Variants in SNX13 observed in about 807,000 individuals in gnomAD.
SNX13 encodes sorting nexin 13.
Under a neutral mutation model 133.6 loss-of-function variants are expected in SNX13, and 45 were observed. The observed-to-expected ratio is 0.34, with a 90% confidence interval of 0.27 to 0.43. The LOEUF (loss-of-function observed/expected upper bound fraction) is 0.43, where lower values mean the gene tolerates loss of function less well. Among genes scored for constraint, SNX13 ranks in the 20% least tolerant of loss-of-function variants. The pLI is 1.00. For missense variants in SNX13, 1,032 were observed against 1,145.1 expected (o/e 0.90, Z 1.43); for synonymous variants, 414 against 373.9 (o/e 1.11, Z -1.24).
At chr7:17,871,269 T>C (rs1393774814) in intron 8 of SNX13, among the ~76,000 whole-genome samples, 2 of 152,156 alleles carry the variant, frequency 1.3e-5, no homozygotes, top group Non-Finnish European at 2.9e-5. Flanking sequence ...CCTCTCAAAG[T>C]GCTGGGATCA....
At chr7:17,860,517 T>C (rs904488190) in intron 9 of SNX13, among the ~76,000 whole-genome samples, 1 of 152,210 alleles carries the variant, frequency 6.6e-6, no homozygotes, top group African/African-American at 2.4e-5. Context: ...TATTTTTGTC[T>C]GAGTTTTTGG....
At chr7:17,799,792 G>A (rs371657049) in intron 22 of SNX13, among the ~76,000 whole-genome samples, 7 of 151,770 alleles carry the variant, frequency 4.6e-5, no homozygotes, top group African/African-American at 1.7e-4. Context: ...AAGGTAAAAA[G>A]GAAGACGATC....
intron 17 of SNX13, among the ~76,000 whole-genome samples, chr7:17,822,863 C>G (rs1204165644): frequency 6.6e-6 from 1 of 152,180 alleles, no homozygotes; most frequent in Non-Finnish European, 1.5e-5. Context: ...CACTTGAGGA[C>G]AGCTAAATCC....
At chr7:17,822,665 G>A (rs1373134830) in intron 17 of SNX13, among the ~76,000 whole-genome samples, 3 of 152,056 alleles carry the variant, frequency 2.0e-5, no homozygotes, top group Non-Finnish European at 4.4e-5. Flanking sequence ...TCTTTCTGTT[G>A]CTATTAATTG....
At chr7:17,799,384 A>T (rs1040934433) in intron 22 of SNX13, among the ~76,000 whole-genome samples, 1 of 151,796 alleles carries the variant, frequency 6.6e-6, no homozygotes, top group Non-Finnish European at 1.5e-5. Flanking sequence ...TTAAGGCTAT[A>T]GTTTAACATT....
At chr7:17,866,586 T>C (rs964386334) in intron 9 of SNX13, among the ~76,000 whole-genome samples, 1 of 151,628 alleles carries the variant, frequency 6.6e-6, no homozygotes, top group African/African-American at 2.4e-5. Flanking sequence ...AAATATTGAC[T>C]GAGGGACATT....
At chr7:17,939,563 A>T (rs1201888414) in intron 1 of SNX13, among the ~76,000 whole-genome samples, 1 of 152,236 alleles carries the variant, frequency 6.6e-6, no homozygotes, top group Non-Finnish European at 1.5e-5. Context: ...GCACTAGAAA[A>T]GGGAAATTGA....
At chr7:17,822,828 G>A (rs1787450210) in intron 17 of SNX13, among the ~76,000 whole-genome samples, 1 of 152,120 alleles carries the variant, frequency 6.6e-6, no homozygotes. Flanking sequence ...CTAACTCTCT[G>A]GCTTGAGATC....
chr7:17,803,582 TA>T lies in SNX13; in HGVS notation c.2065-3del. ...AAGTGGATTTACAAAAGTGTCCATCTAAAGGGAAAAAAGATATTATACCATG... is the reference window on the plus strand; with the variant it reads ...AAGTGGATTTACAAAAGTGTCCATCTAAGGGAAAAAAGATATTATACCATG... On this transcript the variant is annotated splice_polypyrimidine_tract_variant and splice_region_variant and intron_variant, in intron 20 of 25. Transcript: ENST00000428135. 6.3e-7 allele frequency: 1 copy of T among 1,599,296 alleles called. No individual in the cohort carries two copies. The highest frequency in any genetic ancestry group is 8.5e-7 in the Non-Finnish European group (1 of 1,173,794).
At position 17,873,609 on chromosome 7, in the gene SNX13, T is replaced by C. The variant is rs762028387; in HGVS notation, c.672A>G (p.Leu224=). Residue 224 remains leucine, a synonymous_variant, in exon 8 of 26, where the codon CTA becomes CTG. Coordinates refer to ENST00000428135, the MANE Select transcript of SNX13 (RefSeq NM_015132.5). ...ATAGTAAGACCTCACACAAATCCCT[T>C]AGGAATCCTAAAAGTAGAAAAAGTA... ...CTSPKDEEGF[L]RDLCEVLLYL... 48 of 1,556,130 alleles carry C rather than the reference T, an allele frequency of 3.1e-5. 2 individuals carry two copies. Among genetic ancestry groups the C allele is most frequent in the South Asian group, 4.9e-5 (4 of 81,470 alleles).
At chr7:17,829,651 C>T (rs1228431115) in intron 16 of SNX13, among the ~76,000 whole-genome samples, 2 of 151,214 alleles carry the variant, frequency 1.3e-5, no homozygotes, top group African/African-American at 2.4e-5. Flanking sequence ...CCAATATAAA[C>T]ATTTATGTGT....
chr7:17,801,969 C>T (rs1477738422), intron 21 of SNX13, among the ~76,000 whole-genome samples: 1 of 152,136 alleles, frequency 6.6e-6, no homozygotes, highest in East Asian at 1.9e-4. Context: ...AAAAGTCATG[C>T]ATCGCATAAT....
At chr7:17,825,951 G>T (rs1205541026) in intron 17 of SNX13, 71 bp downstream of exon 17, 2 of 1,114,194 alleles carry the variant, frequency 1.8e-6, no homozygotes, top group African/African-American at 3.2e-5. Flanking sequence ...TAAAAATTAA[G>T]TGTGGAAAAT....
intron 1 of SNX13, among the ~76,000 whole-genome samples, chr7:17,911,592 C>T (rs1295412536): frequency 6.0e-5 from 9 of 149,046 alleles, no homozygotes; most frequent in East Asian, 2.0e-4. Flanking sequence ...GAGCCAAGAT[C>T]GCGCCACTGC....
At chr7:17,845,516 A>G (rs1790410826) in intron 12 of SNX13, 79 bp downstream of exon 12, 2 of 874,448 alleles carry the variant, frequency 2.3e-6, no homozygotes, top group Admixed American at 2.9e-5. Context: ...GAGATACTAA[A>G]TTTTATGTGT....
At chr7:17,841,427 CT>C (rs1789861145) in intron 12 of SNX13, among the ~76,000 whole-genome samples, 1 of 151,882 alleles carries the variant, frequency 6.6e-6, no homozygotes, top group Non-Finnish European at 1.5e-5. Context: ...CAGGCTGATC[CT>C]TAGCATAAAC....
intron 1 of SNX13, among the ~76,000 whole-genome samples, chr7:17,910,082 TAAGTC>T (rs1469338166): frequency 5.3e-5 from 8 of 152,172 alleles, no homozygotes; most frequent in African/African-American, 1.9e-4. Context: ...GACCTGTACT[TAAGTC>T]AATTAAAACC....
intron 17 of SNX13, among the ~76,000 whole-genome samples, chr7:17,825,169 A>T (rs1027385763): frequency 6.6e-6 from 1 of 152,216 alleles, no homozygotes; most frequent in Non-Finnish European, 1.5e-5. Context: ...CAACAAATGT[A>T]AATTGAGACT....
In SNX13 at chr7:17,850,790, CAA is replaced by C. The variant is rs3839705; in HGVS notation, c.976+34_976+35del. On this transcript the variant is annotated intron_variant, in intron 10 of 25. Coordinates refer to ENST00000428135, the MANE Select transcript of SNX13 (RefSeq NM_015132.5). ...AAGTTTTGAAGATAAAATAATACTT[CAA>C]AAAAATATATCTTAAATTAAATACA... The C allele has an allele frequency of 5.5e-6, 8 of 1,444,972 alleles. No homozygotes were observed. In the South Asian group the frequency reaches 7.1e-5, roughly 13 times the overall value. The allele number at this position is 1,444,972 out of a possible 1,614,324, so 89.5% of individuals were successfully genotyped here.
Sources: gnomAD v4.1 joint callset for allele counts (sites outside exome capture counted in the v4.1 genomes callset) on GRCh38, gnomAD v4.1.1 for gene constraint, MANE v1.5 for transcripts, NCBI Gene and HGNC (gene_info 2026-07-23, HGNC 2026-07-21) for gene names.